Variants in RALGAPA2 observed in about 807,000 individuals in gnomAD.
RALGAPA2 encodes ral GTPase-activating protein subunit alpha-2.
Under a neutral mutation model 230.4 loss-of-function variants are expected in RALGAPA2, and 139 were observed. That is an observed-to-expected ratio of 0.60 (90% CI 0.53 to 0.69). RALGAPA2 has a LOEUF of 0.69. Ranked by LOEUF, RALGAPA2 falls within the 30% of genes least tolerant of loss-of-function variation. RALGAPA2 has a pLI of 0.00. For synonymous variants in RALGAPA2, 847 were observed against 837.8 expected, an observed-to-expected ratio of 1.01 and a Z score of -0.19; for missense variants, 2,163 against 2,276.0, an observed-to-expected ratio of 0.95 and a Z score of 1.01.
At chr20:20,637,898 T>C (rs2066908531) in intron 7 of RALGAPA2, among the ~76,000 whole-genome samples, 1 of 152,164 alleles carries the variant, frequency 6.6e-6, no homozygotes, top group African/African-American at 2.4e-5. Flanking sequence ...TTATAATAAA[T>C]AGAAATTAAA....
At chr20:20,536,380 C>T (rs376786296) in intron 25 of RALGAPA2, among the ~76,000 whole-genome samples, 2 of 152,156 alleles carry the variant, frequency 1.3e-5, no homozygotes, top group East Asian at 3.8e-4. Flanking sequence ...TTACAAAGGG[C>T]AATTCACTAC....
intron 3 of RALGAPA2, among the ~76,000 whole-genome samples, chr20:20,663,071 G>T (rs1318864898): frequency 1.3e-5 from 2 of 152,180 alleles, no homozygotes; most frequent in East Asian, 3.9e-4. Context: ...TGTCCTGAAG[G>T]CAATGAGAAT....
chr20:20,619,636 C>T (rs1358298395), intron 11 of RALGAPA2, among the ~76,000 whole-genome samples: 4 of 152,214 alleles, frequency 2.6e-5, no homozygotes, highest in Non-Finnish European at 4.4e-5. Context: ...TTAGTATGTG[C>T]TGAAAGAATG....
Position 20,398,269 on chromosome 20 carries a change from G to A in RALGAPA2, c.5618-1535C>T, listed in dbSNP as rs754160487. Among the ~76,000 whole-genome samples the A allele has an allele frequency of 6.6e-6, 1 of 152,182 alleles. No individual in the cohort carries two copies. Among genetic ancestry groups the A allele is most frequent in the Non-Finnish European group, 1.5e-5 (1 of 68,048 alleles). ...CCCCTCAGCCCTGGTTATGCTGTGCGTACAGGCACCCGATTGGTAGAAACC... is the reference window on the plus strand; with the variant it reads ...CCCCTCAGCCCTGGTTATGCTGTGCATACAGGCACCCGATTGGTAGAAACC... On this transcript the variant is annotated intron_variant, in intron 38 of 39. Transcript: ENST00000202677. The surrounding 1 kb of genome is among the most constrained non-coding windows in gnomAD (Gnocchi z 4.5).
At chr20:20,664,688 C>T (rs142721618) in intron 3 of RALGAPA2, among the ~76,000 whole-genome samples, 225 of 152,198 alleles carry the variant, frequency 1.5e-3, no homozygotes, top group African/African-American at 5.2e-3. Context: ...CCGTTTTATG[C>T]CATGTTTTAG....
chr20:20,643,458 A>G, intron 5 of RALGAPA2, 48 bp downstream of exon 5: 1 of 1,436,652 alleles, frequency 7.0e-7, no homozygotes, highest in Non-Finnish European at 9.3e-7. Flanking sequence ...TGTGGCATTA[A>G]CAAATTTAAG....
chr20:20,529,328 C>T (rs943511628), intron 27 of RALGAPA2, among the ~76,000 whole-genome samples: 1 of 152,096 alleles, frequency 6.6e-6, no homozygotes, highest in African/African-American at 2.4e-5. Flanking sequence ...GCTGGGATAG[C>T]GGACAGAGTG....
chr20:20,645,183 C>G (rs1410176627), intron 4 of RALGAPA2, among the ~76,000 whole-genome samples: 2 of 134,846 alleles, frequency 1.5e-5, no homozygotes, highest in Non-Finnish European at 3.1e-5. Context: ...GGTACGATCT[C>G]GGCTCACTGC....
intron 39 of RALGAPA2, among the ~76,000 whole-genome samples, chr20:20,393,971 C>A (rs2059652589): frequency 6.6e-6 from 1 of 152,270 alleles, no homozygotes; most frequent in Middle Eastern, 3.4e-3. Flanking sequence ...CATTTCATCA[C>A]CCTTCCCCTC....
intron 37 of RALGAPA2, among the ~76,000 whole-genome samples, chr20:20,461,582 C>A (rs1313333565): frequency 6.6e-6 from 1 of 152,218 alleles, no homozygotes; most frequent in African/African-American, 2.4e-5. Context: ...TTAAATTCCA[C>A]TGAGGATGGC....
At chr20:20,534,633 T>A (rs2063453715) in intron 26 of RALGAPA2, among the ~76,000 whole-genome samples, 1 of 152,096 alleles carries the variant, frequency 6.6e-6, no homozygotes, top group African/African-American at 2.4e-5. Context: ...GTTAATCTTC[T>A]CATCAAGAAA....
intron 23 of RALGAPA2, among the ~76,000 whole-genome samples, chr20:20,554,953 C>T (rs1409346341): frequency 6.6e-6 from 1 of 152,154 alleles, no homozygotes; most frequent in African/African-American, 2.4e-5. Context: ...ATCCATTTTT[C>T]TTCTGTTGCT....
At chr20:20,603,145 T>C (rs2065712592) in intron 15 of RALGAPA2, among the ~76,000 whole-genome samples, 1 of 152,178 alleles carries the variant, frequency 6.6e-6, no homozygotes, top group African/African-American at 2.4e-5. Flanking sequence ...TCTATTTCTT[T>C]AGAAAGGAGT....
intron 10 of RALGAPA2, among the ~76,000 whole-genome samples, chr20:20,624,871 CATTA>C (rs761418627): frequency 6.6e-6 from 1 of 152,100 alleles, no homozygotes; most frequent in Non-Finnish European, 1.5e-5. Context: ...TCAGAATTTT[CATTA>C]ATTAAGAATG....
intron 5 of RALGAPA2, 64 bp downstream of exon 5, chr20:20,643,442 T>G (rs1180595027): frequency 5.0e-6 from 7 of 1,396,094 alleles, no homozygotes; most frequent in Non-Finnish European, 6.7e-6. Flanking sequence ...CCTAACATTG[T>G]TACTTTGTGG....
rs374368775 is a variant in RALGAPA2, at chr20:20,605,359, C to T, written c.1854G>A (p.Glu618=). 8 of 1,613,760 alleles carry T rather than the reference C, an allele frequency of 5.0e-6. No homozygotes were observed. The highest frequency in any genetic ancestry group is 6.8e-6 in the Non-Finnish European group (8 of 1,179,848). Residue 618 remains glutamate, a synonymous_variant, in exon 15 of 40, where the codon GAG becomes GAA. Coordinates refer to ENST00000202677, the MANE Select transcript of RALGAPA2 (RefSeq NM_020343.4). ...RANLCVYISR[E]LWDDFLGVLS... ...GCACACCAAGAAAGTCATCCCAGAG[C>T]TCTCGAGAAATGTACACACAGAGGT...
intron 37 of RALGAPA2, among the ~76,000 whole-genome samples, chr20:20,441,430 C>T (rs578042321): frequency 1.1e-4 from 16 of 152,338 alleles, no homozygotes; most frequent in African/African-American, 3.6e-4. Flanking sequence ...AAACAAACAG[C>T]TAGAATGTCA....
At chr20:20,458,755 C>CACCTATATATATAGACCTATATATATAG (rs1569417929) in intron 37 of RALGAPA2, among the ~76,000 whole-genome samples, 5 of 1,174 alleles carry the variant, frequency 4.3e-3, no homozygotes, top group East Asian at 0.036. Flanking sequence ...TATACATACA[C>CACCTATATATATAGACCTATATATATAG]ACCTATATAT....
intron 36 of RALGAPA2, among the ~76,000 whole-genome samples, chr20:20,487,433 T>C (rs1234710328): frequency 6.6e-6 from 1 of 152,228 alleles, no homozygotes; most frequent in Non-Finnish European, 1.5e-5. Context: ...GGAAGCATTC[T>C]ATAGTCCTAG....
Sources: allele counts gnomAD v4.1 joint callset (sites outside exome capture counted in the v4.1 genomes callset), GRCh38; gene constraint gnomAD v4.1.1; non-coding constraint Gnocchi (gnomAD v3.1); transcripts MANE v1.5; gene names NCBI Gene and HGNC (gene_info 2026-07-23, HGNC 2026-07-21).